The following TENM4 variants were observed in gnomAD, a reference collection of about 807,000 sequenced individuals.
TENM4 encodes the protein teneurin-4.
Under a neutral mutation model 243.3 loss-of-function variants are expected in TENM4, and 82 were observed. That is an observed-to-expected ratio of 0.34 (90% confidence interval 0.28 to 0.40). The LOEUF (loss-of-function observed/expected upper bound fraction) is 0.40, where lower values mean the gene tolerates loss of function less well. Ranked by LOEUF, TENM4 falls within the 10% of genes least tolerant of loss-of-function variation. The pLI, the probability that TENM4 is intolerant of heterozygous loss-of-function variation, is 1.00. For synonymous variants in TENM4, 1,412 were observed against 1,456.3 expected (o/e 0.97, Z 0.69); for missense variants, 3,138 against 3,673.3 (o/e 0.85, Z 3.77).
At chr11:78,832,310 T>TC (rs1004719600) in intron 12 of TENM4, among the ~76,000 whole-genome samples, 1 of 152,224 alleles carries the variant, frequency 6.6e-6, no homozygotes, top group Non-Finnish European at 1.5e-5. Flanking sequence ...CATATAGTAC[T>TC]CCCCCAATTG....
intron 1 of TENM4, among the ~76,000 whole-genome samples, chr11:79,366,921 G>A (rs1313507478): frequency 6.6e-6 from 1 of 152,142 alleles, no homozygotes; most frequent in African/African-American, 2.4e-5. Flanking sequence ...ATCAGTGAAA[G>A]CCTAGTCACC....
At chr11:79,243,421 T>C (rs764123932) in intron 2 of TENM4, among the ~76,000 whole-genome samples, 4 of 152,160 alleles carry the variant, frequency 2.6e-5, no homozygotes, top group Admixed American at 2.6e-4. Context: ...TCACTGGATG[T>C]GCCCCAATCA....
At chr11:79,436,104 GA>G (rs1331692110) in intron 1 of TENM4, among the ~76,000 whole-genome samples, 2 of 152,194 alleles carry the variant, frequency 1.3e-5, no homozygotes, top group Non-Finnish European at 2.9e-5. Flanking sequence ...CCTGGAAGGG[GA>G]TAAGGAGGTA....
intron 7 of TENM4, among the ~76,000 whole-genome samples, chr11:78,900,543 A>C (rs373420507): frequency 2.8e-4 from 43 of 152,352 alleles, no homozygotes; most frequent in African/African-American, 1.0e-3. Context: ...GAGAAGATGT[A>C]TATGAAAAAA....
chr11:78,885,926 TACACAAAC>T lies in TENM4; in HGVS notation c.1084+3851_1084+3858del, dbSNP rs899608193. Among the ~76,000 whole-genome samples, 20 of 151,588 alleles carry T rather than the reference TACACAAAC, an allele frequency of 1.3e-4. 1 individual carries two copies. The highest frequency in any genetic ancestry group is 4.9e-4 in the African/African-American group (20 of 41,178). On this transcript the variant is annotated intron_variant, in intron 9 of 33. Coordinates refer to ENST00000278550, the MANE Select transcript of TENM4 (RefSeq NM_001098816.3). ...GGTGACAGAGTGAGACCCCCATCTC[TACACAAAC>T]AAACAAACAAACAAACTAAATGTCA... is the stretch of plus-strand genomic sequence containing the variant.
chr11:78,886,619 G>A lies in TENM4; in HGVS notation c.1084+3166C>T, dbSNP rs114162831. Among the ~76,000 whole-genome samples the A allele has an allele frequency of 2.0e-3, 311 of 152,292 alleles. 1 individual carries two copies. Among genetic ancestry groups the A allele is most frequent in the African/African-American group, 7.1e-3 (294 of 41,560 alleles). ...AGAAAGAGAAATGACTTTCCCAAGG[G>A]TGAGCAGCTGCTGTGTGGTAGAGCA... On this transcript the variant is annotated intron_variant, in intron 9 of 33. Transcript: ENST00000278550.
At chr11:79,194,821 A>G (rs1863587548) in intron 3 of TENM4, among the ~76,000 whole-genome samples, 1 of 152,258 alleles carries the variant, frequency 6.6e-6, no homozygotes, top group South Asian at 2.1e-4. Flanking sequence ...AGAAACTTGC[A>G]TAAGTAGAAA....
intron 15 of TENM4, among the ~76,000 whole-genome samples, chr11:78,796,734 A>G (rs1565382594): frequency 6.6e-6 from 1 of 152,318 alleles, no homozygotes; most frequent in East Asian, 1.9e-4. Context: ...CACTACTGCC[A>G]CAAATATCCT....
intron 4 of TENM4, among the ~76,000 whole-genome samples, chr11:79,132,124 C>T (rs1188675246): frequency 2.0e-5 from 3 of 151,510 alleles, no homozygotes; most frequent in Non-Finnish European, 2.9e-5. Flanking sequence ...GGGCGGATCA[C>T]GAGGTCAGGA....
At chr11:78,960,014 TC>T (rs1380305727) in intron 6 of TENM4, among the ~76,000 whole-genome samples, 1 of 151,892 alleles carries the variant, frequency 6.6e-6, no homozygotes, top group East Asian at 1.9e-4. Context: ...CTTGTGACAC[TC>T]CTAAAATCAG....
At chr11:79,013,327 T>G (rs1289332727) in intron 6 of TENM4, among the ~76,000 whole-genome samples, 14 of 152,174 alleles carry the variant, frequency 9.2e-5, no homozygotes, top group Admixed American at 9.2e-4. Flanking sequence ...CCAGATACCC[T>G]CCAATTTGCC....
chr11:78,832,092 C>T (rs1256650523), intron 12 of TENM4, among the ~76,000 whole-genome samples: 2 of 152,214 alleles, frequency 1.3e-5, no homozygotes, highest in Non-Finnish European at 2.9e-5. Flanking sequence ...GGCTGCAGAA[C>T]CAGGATGGGA....
chr11:78,867,991 C>T (rs974829154), intron 9 of TENM4, among the ~76,000 whole-genome samples: 12 of 150,936 alleles, frequency 8.0e-5, no homozygotes, highest in African/African-American at 2.9e-4. Context: ...TAAATATTCC[C>T]TGGCCCACAG....
chr11:79,158,093 C>T (rs1375064173), intron 3 of TENM4, among the ~76,000 whole-genome samples: 1 of 152,230 alleles, frequency 6.6e-6, no homozygotes, highest in Non-Finnish European at 1.5e-5. Flanking sequence ...TCCTCCTGCA[C>T]TCTGGGCTGC....
At chr11:78,876,447 C>A (rs1859270623) in intron 9 of TENM4, among the ~76,000 whole-genome samples, 1 of 152,204 alleles carries the variant, frequency 6.6e-6, no homozygotes. Context: ...ATCCAACATT[C>A]CTGTCTACTA....
At chr11:79,348,109 GC>G (rs1339006057) in intron 1 of TENM4, among the ~76,000 whole-genome samples, 1 of 152,128 alleles carries the variant, frequency 6.6e-6, no homozygotes, top group Non-Finnish European at 1.5e-5. Flanking sequence ...GACTCAAGGG[GC>G]CCCATTTCCC....
At chr11:79,426,194 C>A (rs549566962) in intron 1 of TENM4, among the ~76,000 whole-genome samples, 1 of 152,310 alleles carries the variant, frequency 6.6e-6, no homozygotes, top group African/African-American at 2.4e-5. Context: ...AAAATGTTAG[C>A]TAACAAGTTC....
chr11:78,816,391 C>T (rs144679053), intron 12 of TENM4, among the ~76,000 whole-genome samples: 933 of 152,356 alleles, frequency 6.1e-3, no homozygotes, highest in Non-Finnish European at 9.9e-3. Flanking sequence ...CCAGCCCTAT[C>T]TTGGGATAGT....
intron 6 of TENM4, among the ~76,000 whole-genome samples, chr11:78,979,510 A>C (rs1045595977): frequency 2.0e-5 from 3 of 152,156 alleles, no homozygotes; most frequent in Admixed American, 2.0e-4. Flanking sequence ...TTAAGAAAGC[A>C]TTGTGGGCAT....
Sources: allele counts gnomAD v4.1 joint callset (sites outside exome capture counted in the v4.1 genomes callset), GRCh38; gene constraint gnomAD v4.1.1; transcripts MANE v1.5; gene names NCBI Gene and HGNC (gene_info 2026-07-23, HGNC 2026-07-21).